The following PTPRT variants were observed in gnomAD, a reference collection of about 807,000 sequenced individuals.
PTPRT encodes the protein protein tyrosine phosphatase receptor type T.
Under a neutral mutation model 176.8 loss-of-function variants are expected in PTPRT, and 56 were observed. The observed-to-expected ratio is 0.32, with a 90% CI of 0.26 to 0.40. The LOEUF (loss-of-function observed/expected upper bound fraction) is 0.40. Ranked by LOEUF, PTPRT falls within the 10% of genes least tolerant of loss-of-function variation. The pLI is 1.00. For missense variants in PTPRT, 1,540 were observed against 1,908.2 expected, an observed-to-expected ratio of 0.81 and a Z score of 3.60; for synonymous variants, 783 against 739.0, an observed-to-expected ratio of 1.06 and a Z score of -0.96.
chr20:42,739,488 T>A (rs769228092), intron 6 of PTPRT, among the ~76,000 whole-genome samples: 21 of 151,604 alleles, frequency 1.4e-4, no homozygotes, highest in Non-Finnish European at 2.8e-4. Flanking sequence ...TTTGAATGCA[T>A]AGGAATGGTT....
At chr20:42,124,504 C>T (rs1987754625) in intron 19 of PTPRT, among the ~76,000 whole-genome samples, 1 of 152,196 alleles carries the variant, frequency 6.6e-6, no homozygotes, top group Admixed American at 6.5e-5. Context: ...TAACAGACCA[C>T]GGCCTCCGGA....
intron 6 of PTPRT, among the ~76,000 whole-genome samples, chr20:42,725,563 C>G (rs1387795863): frequency 6.6e-6 from 1 of 152,084 alleles, no homozygotes; most frequent in East Asian, 1.9e-4. Flanking sequence ...TGCAAAGCAG[C>G]TCACTGTGAC....
chr20:42,239,506 T>C (rs957891398), intron 14 of PTPRT, among the ~76,000 whole-genome samples: 3 of 138,610 alleles, frequency 2.2e-5, no homozygotes, highest in African/African-American at 8.0e-5. Flanking sequence ...CACTGCAAGC[T>C]CCACCTCCCG....
At chr20:42,895,139 T>C (rs1296337272) in intron 1 of PTPRT, among the ~76,000 whole-genome samples, 4 of 152,246 alleles carry the variant, frequency 2.6e-5, no homozygotes, top group Non-Finnish European at 5.9e-5. Flanking sequence ...ATTAGCCTGC[T>C]AGGGCTGCTG....
chr20:42,597,066 A>G (rs2073683927), intron 7 of PTPRT, among the ~76,000 whole-genome samples: 2 of 152,166 alleles, frequency 1.3e-5, no homozygotes, highest in African/African-American at 4.8e-5. Flanking sequence ...CAAAGCTGCA[A>G]TGGAGGTGTC....
intron 15 of PTPRT, among the ~76,000 whole-genome samples, chr20:42,231,505 C>G (rs781211852): frequency 2.2e-4 from 34 of 152,202 alleles, no homozygotes; most frequent in Non-Finnish European, 5.9e-5. Flanking sequence ...TGCCTTTCAA[C>G]TTCTGCCCTT....
intron 1 of PTPRT, among the ~76,000 whole-genome samples, chr20:43,006,590 C>T (rs1304340294): frequency 6.6e-6 from 1 of 152,156 alleles, no homozygotes; most frequent in Non-Finnish European, 1.5e-5. Context: ...CGGGGGCTGT[C>T]TTTTCTCCTC....
intron 7 of PTPRT, chr20:42,606,757 G>A (rs940493765): frequency 6.6e-5 from 10 of 152,126 alleles, no homozygotes; most frequent in African/African-American, 1.7e-4. Flanking sequence ...CATTACCCCC[G>A]ACATTTTTTT....
intron 6 of PTPRT, among the ~76,000 whole-genome samples, chr20:42,741,084 G>A (rs1421066339): frequency 6.6e-6 from 1 of 152,170 alleles, no homozygotes; most frequent in Non-Finnish European, 1.5e-5. Context: ...TGTAAGGAGT[G>A]AGAGGGAATT....
chr20:42,640,207 A>G (rs531420794), intron 7 of PTPRT, among the ~76,000 whole-genome samples: 20 of 152,258 alleles, frequency 1.3e-4, no homozygotes, highest in African/African-American at 4.8e-4. Flanking sequence ...ACACATTAGA[A>G]TATTAGAGAT....
intron 12 of PTPRT, among the ~76,000 whole-genome samples, chr20:42,308,384 T>TG (rs1249950948): frequency 1.3e-5 from 2 of 152,042 alleles, no homozygotes; most frequent in African/African-American, 4.8e-5. Flanking sequence ...GGGTGAGTCA[T>TG]GGGTGAGTCA....
At chr20:43,074,404 T>A (rs1367681048) in intron 1 of PTPRT, among the ~76,000 whole-genome samples, 1 of 152,230 alleles carries the variant, frequency 6.6e-6, no homozygotes, top group Admixed American at 6.5e-5. Flanking sequence ...ATGAAACTGA[T>A]CTACTTGTTG....
intron 1 of PTPRT, among the ~76,000 whole-genome samples, chr20:43,165,872 C>T (rs529657095): frequency 5.9e-5 from 9 of 152,324 alleles, no homozygotes; most frequent in African/African-American, 2.2e-4. Context: ...ATCAAGCAGT[C>T]TGGAGCAAAC....
Position 42,263,714 on chromosome 20 carries a change from A to G in PTPRT, c.2177-14892T>C, listed in dbSNP as rs562134457. 3.0e-4 allele frequency among the ~76,000 whole-genome samples: 44 copies of G among 148,670 alleles called. 1 individual carries two copies. The South Asian group carries it at 8.4e-3, about 28-fold the overall frequency. The stretch of plus-strand genomic sequence containing the variant: ...TTTTTAACTTTACTTTCGTAGAGAC[A>G]TGGTCTCACTATATTGCCTAGGCTG... On this transcript the variant is annotated intron_variant, in intron 13 of 30. Transcript: ENST00000373187.
At chr20:43,158,495 C>T (rs76010920) in intron 1 of PTPRT, among the ~76,000 whole-genome samples, 2 of 152,214 alleles carry the variant, frequency 1.3e-5, no homozygotes, top group African/African-American at 2.4e-5. Flanking sequence ...CAACAAAGAA[C>T]ATCTGGCCTT....
chr20:42,311,247 C>T (rs1027600290), intron 12 of PTPRT, among the ~76,000 whole-genome samples: 2 of 152,152 alleles, frequency 1.3e-5, no homozygotes, highest in African/African-American at 4.8e-5. Flanking sequence ...ATTGCATGTG[C>T]TTGACAGATG....
chr20:42,864,360 AG>A (rs2078710650), intron 2 of PTPRT, among the ~76,000 whole-genome samples: 1 of 152,098 alleles, frequency 6.6e-6, no homozygotes, highest in African/African-American at 2.4e-5. Flanking sequence ...GAGAGAGGAG[AG>A]GGATGGCAGG....
At chr20:42,625,914 ATTTTGTAGAAATGGAAC>A (rs920546209) in intron 7 of PTPRT, among the ~76,000 whole-genome samples, 1 of 148,626 alleles carries the variant, frequency 6.7e-6, no homozygotes, top group African/African-American at 2.5e-5. Flanking sequence ...GAAAAGTTCC[ATTTTGTAGAAATGGAAC>A]TTTTGTAGAA....
chr20:42,379,599 C>T (rs1468412644), intron 9 of PTPRT, among the ~76,000 whole-genome samples: 2 of 152,238 alleles, frequency 1.3e-5, no homozygotes, highest in Admixed American at 6.5e-5. Context: ...TCTCCACATT[C>T]CTACAAAGGA....
Sources: allele counts gnomAD v4.1 joint callset (sites outside exome capture counted in the v4.1 genomes callset), GRCh38; gene constraint gnomAD v4.1.1; transcripts MANE v1.5; gene names NCBI Gene and HGNC (gene_info 2026-07-23, HGNC 2026-07-21).